The following TPM4 variants were observed in gnomAD, a reference collection of about 807,000 sequenced individuals.
TPM4 encodes tropomyosin 4, also known as tropomyosin alpha-4 chain.
Under a neutral mutation model 35.8 loss-of-function variants are expected in TPM4, and 17 were observed. That is an observed-to-expected ratio of 0.47 (90% CI 0.32 to 0.71). The LOEUF (loss-of-function observed/expected upper bound fraction) is 0.71. TPM4 is among the 30% of genes least tolerant of loss of function. The pLI is 0.03. For missense variants in TPM4, 240 were observed against 320.9 expected, an observed-to-expected ratio of 0.75 and a Z score of 1.93; for synonymous variants, 120 against 122.9, an observed-to-expected ratio of 0.98 and a Z score of 0.15.
rs148514748 is a variant in TPM4, at chr19:16,090,599, T to G, written c.531+1479T>G. Among the ~76,000 whole-genome samples, 202 of 152,216 alleles carry G rather than the reference T, an allele frequency of 1.3e-3. 1 individual carries two copies. Among genetic ancestry groups the G allele is most frequent in the African/African-American group, 4.7e-3 (195 of 41,536 alleles). ...TCTGCTTAAACATCACTTCTGAGAG[T>G]CCTTCTCTGATTTCTCATCTAGGTT... On this transcript the variant is annotated intron_variant, in intron 5 of 7. Transcript: ENST00000643579.
intron 2 of TPM4, among the ~76,000 whole-genome samples, chr19:16,084,796 G>T (rs749772003): frequency 6.6e-6 from 1 of 152,120 alleles, no homozygotes; most frequent in African/African-American, 2.4e-5. Flanking sequence ...TCGTACAGGT[G>T]GGGGAGGGTG....
At chr19:16,097,849 T>C (rs549884115) in intron 7 of TPM4, among the ~76,000 whole-genome samples, 38 of 152,182 alleles carry the variant, frequency 2.5e-4, no homozygotes, top group African/African-American at 8.9e-4. Flanking sequence ...ACTCTCTCTA[T>C]TCATCCATTC....
chr19:16,067,805 T>G lies in TPM4; in HGVS notation c.114+67T>G. 2.1e-5 allele frequency: 32 copies of G among 1,489,538 alleles called. No individual in the cohort carries two copies. The highest frequency in any genetic ancestry group is 2.6e-5 in the Non-Finnish European group (29 of 1,099,228). The allele number at this position is 1,489,538 out of a possible 1,614,324, so 92.3% of individuals were successfully genotyped here. A position where few individuals can be genotyped will look rare whatever the true frequency, so the allele number is the denominator to read the frequency against. On this transcript the variant is annotated intron_variant, in intron 2 of 2. Coordinates refer to the TPM4 transcript ENST00000589897. This position sits in a 1 kb window ranked among gnomAD's most constrained non-coding sequence, Gnocchi z 4.1. ...CCTCTCTGTGCGGAAGGCCGGGGTC[T>G]GGAGCCCAGTTGGGGGTCGCAGACA...
At chr19:16,092,735 C>T (rs1415986229) in intron 5 of TPM4, among the ~76,000 whole-genome samples, 1 of 152,164 alleles carries the variant, frequency 6.6e-6, no homozygotes, top group Non-Finnish European at 1.5e-5. Context: ...AGCGTTTCGC[C>T]ATGTTGGCCA....
In TPM4 at chr19:16,081,126, C is replaced by T. The variant is rs144349586; in HGVS notation, c.133-787C>T. On this transcript the variant is annotated intron_variant, in intron 1 of 7. Transcript: ENST00000643579. ...GAGGGCTCCATAGTCTTGCATTTAT[C>T]TTGCCATTCAGGTGAATGGGAGCGG... 6.3e-5 allele frequency: 25 copies of T among 398,528 alleles called. 1 individual carries two copies. The highest frequency in any genetic ancestry group is 4.9e-4 in the African/African-American group (24 of 48,752). 24.7% of individuals were successfully genotyped at this position (398,528 alleles called of 1,614,324 possible).
At chr19:16,076,383 T>C, upstream of TPM4, 1 of 1,401,232 alleles carries the variant, frequency 7.1e-7, no homozygotes, top group Non-Finnish European at 9.2e-7. Flanking sequence ...GGTGCTGACG[T>C]CGGCGGTCCG....
upstream of TPM4, among the ~76,000 whole-genome samples, chr19:16,072,347 C>G (rs764798484): frequency 2.5e-4 from 38 of 152,146 alleles, no homozygotes; most frequent in Non-Finnish European, 5.0e-4. Context: ...CAGCTGTAGG[C>G]GTGGCGAAAG....
chr19:16,088,889 A>G, intron 4 of TPM4, 156 bp from the exon 5 acceptor site: 1 of 1,450,712 alleles, frequency 6.9e-7, no homozygotes, highest in Non-Finnish European at 9.1e-7. Flanking sequence ...ATCACACTGC[A>G]GAAAAATCCA....
At chr19:16,076,338 T>C, upstream of TPM4, 1 of 1,477,938 alleles carries the variant, frequency 6.8e-7, no homozygotes, top group South Asian at 1.4e-5. Context: ...CCAGCAGCTG[T>C]GGCCAGCGGT....
chr19:16,087,955 G>C, intron 3 of TPM4, 72 bp from the exon 4 acceptor site: 1 of 1,509,072 alleles, frequency 6.6e-7, no homozygotes, highest in African/African-American at 1.4e-5. Flanking sequence ...ATCATTGGGG[G>C]CTGTCTGCAG....
intron 7 of TPM4, chr19:16,099,859 A>T (rs1315595431): frequency 1.3e-5 from 2 of 152,202 alleles, no homozygotes; most frequent in African/African-American, 4.8e-5. Flanking sequence ...ACATGCCTGT[A>T]GAATGGCTTA....
chr19:16,076,331 G>A, upstream of TPM4: 1 of 1,493,292 alleles, frequency 6.7e-7, no homozygotes, highest in Non-Finnish European at 8.9e-7. Context: ...GCACTTTCCA[G>A]CAGCTGTGGC....
At chr19:16,087,892 A>G in intron 3 of TPM4, 135 bp from the exon 4 acceptor site, 1 of 927,884 alleles carries the variant, frequency 1.1e-6, no homozygotes, top group Non-Finnish European at 1.7e-6. Flanking sequence ...CTGCAAAAAA[A>G]AGAAACACCA....
chr19:16,082,191 T>C (rs1599369515), intron 2 of TPM4, 145 bp downstream of exon 2: 6 of 1,155,902 alleles, frequency 5.2e-6, no homozygotes, highest in East Asian at 5.5e-5. Context: ...CAGCACTTTG[T>C]AAACCATCAC....
At chr19:16,090,303 T>TA (rs1237428533) in intron 5 of TPM4, among the ~76,000 whole-genome samples, 42 of 150,636 alleles carry the variant, frequency 2.8e-4, no homozygotes, top group African/African-American at 1.0e-3. Flanking sequence ...TTTTTTTTTT[T>TA]ATAGAGCACA....
intron 1 of TPM4, chr19:16,076,963 G>C (rs895679874): frequency 1.8e-6 from 1 of 563,868 alleles, no homozygotes; most frequent in Non-Finnish European, 2.5e-6. Context: ...GGGGGGATGG[G>C]GCGGAGGGGG....
At chr19:16,083,187 T>TA (rs1188593259) in intron 2 of TPM4, among the ~76,000 whole-genome samples, 1 of 152,160 alleles carries the variant, frequency 6.6e-6, no homozygotes, top group Non-Finnish European at 1.5e-5. Flanking sequence ...CTCACGCCTA[T>TA]AATCCCAGCA....
In TPM4 at chr19:16,093,952, CT is replaced by C. The variant is rs35095689; in HGVS notation, c.664+221del. On this transcript the variant is annotated intron_variant, in intron 7 of 7. Transcript: ENST00000643579. ...GCAAAGCATTCAGGCTTGAATGGCC[CT>C]TTTTTTTTTTTTTTTTTTTTTCTAT... is the stretch of plus-strand genomic sequence containing the variant. 8.8e-3 allele frequency among the ~76,000 whole-genome samples: 958 copies of C among 108,788 alleles called. 2 individuals are homozygous for C. Among genetic ancestry groups the C allele is most frequent in the Non-Finnish European group, 0.011 (594 of 55,356 alleles). 71.4% of individuals were successfully genotyped at this position (108,788 alleles called of 152,430 possible).
intron 1 of TPM4, chr19:16,077,040 G>A (rs2090417950): frequency 4.3e-6 from 1 of 231,224 alleles, no homozygotes; most frequent in South Asian, 1.6e-4. Context: ...CCGACTCCGG[G>A]GCTGGCGCCG....
Sources: allele counts gnomAD v4.1 joint callset (sites outside exome capture counted in the v4.1 genomes callset), GRCh38; gene constraint gnomAD v4.1.1; non-coding constraint Gnocchi (gnomAD v3.1); transcripts MANE v1.5; gene names NCBI Gene and HGNC (gene_info 2026-07-23, HGNC 2026-07-21).